The following DELE1 variants were observed in gnomAD, a reference collection of about 807,000 sequenced individuals.
The protein encoded by DELE1 is DAP3 binding cell death enhancer 1.
A neutral mutation model predicts 59.3 loss-of-function variants in DELE1; 54 were observed. That is an observed-to-expected ratio of 0.91 (90% confidence interval 0.73 to 1.14). DELE1 has a LOEUF of 1.14. Ranked by LOEUF, DELE1 falls within the 50% of genes most tolerant of loss-of-function variation. DELE1 has a pLI of 0.00. For synonymous variants in DELE1, 264 were observed against 259.1 expected, an observed-to-expected ratio of 1.02 and a Z score of -0.18; for missense variants, 636 against 643.9, an observed-to-expected ratio of 0.99 and a Z score of 0.13.
intron 2 of DELE1, among the ~76,000 whole-genome samples, chr5:141,925,031 G>A (rs191119270): frequency 2.0e-5 from 3 of 151,882 alleles, no homozygotes; most frequent in Admixed American, 6.6e-5. Context: ...GGGTTCAAGC[G>A]ATTCTGCTGC....
In DELE1 at chr5:141,939,619, C is replaced by T. The variant is rs557097910; in HGVS notation, c.*860C>T. On this transcript the variant is annotated 3_prime_UTR_variant, in exon 12 of 12. Transcript: ENST00000432126. ...TCAGAGAGATATCACAATTTGAGTC[C>T]CAAAGAAGAGGCCAGATACCCACCC... 2.1e-5 allele frequency: 21 copies of T among 985,810 alleles called. 1 individual carries two copies. The East Asian group carries it at 2.0e-3, about 96-fold the overall frequency. 61.1% of individuals were successfully genotyped at this position (985,810 alleles called of 1,614,324 possible). A position where few individuals can be genotyped will look rare whatever the true frequency, so the allele number is the denominator to read the frequency against.
chr5:141,938,490 G>GA (rs773452472), intron 11 of DELE1, 31 bp from the exon 12 acceptor site: 1 of 1,605,344 alleles, frequency 6.2e-7, no homozygotes, highest in Admixed American at 1.7e-5. Flanking sequence ...TATACAGCAA[G>GA]AGTAAGAGTT....
intron 7 of DELE1, among the ~76,000 whole-genome samples, chr5:141,931,543 C>T (rs1455034246): frequency 1.3e-5 from 2 of 152,052 alleles, no homozygotes; most frequent in Admixed American, 6.6e-5. Flanking sequence ...AAAAAGGAGA[C>T]GAGGCAGGCG....
At chr5:141,936,999 C>G in intron 10 of DELE1, 199 bp from the exon 11 acceptor site, 2 of 1,438,130 alleles carry the variant, frequency 1.4e-6, no homozygotes, top group Admixed American at 2.6e-5. Flanking sequence ...AGGGATCCCC[C>G]TCTCCTTTGT....
rs986335668 is a variant in DELE1 at position 141,940,639 on chromosome 5, C to T, written c.*1880C>T. 3.0e-6 allele frequency: 3 copies of T among 985,930 alleles called. No homozygotes were observed. The African/African-American group carries it at 5.2e-5, about 17-fold the overall frequency. The allele number at this position is 985,930 out of a possible 1,614,324, so 61.1% of individuals were successfully genotyped here. A position where few individuals can be genotyped will look rare whatever the true frequency, so the allele number is the denominator to read the frequency against. ...CCCAAGCGTCCTCTAGCTCCATCTC[C>T]TCGCCTGCTCCCTGCCTCCTTTTCA... On this transcript the variant is annotated 3_prime_UTR_variant, in exon 12 of 12. Coordinates refer to ENST00000432126, the MANE Select transcript of DELE1 (RefSeq NM_014773.5).
In DELE1 at chr5:141,939,002, G is replaced by C. The variant is rs1264347792; in HGVS notation, c.*243G>C. On this transcript the variant is annotated 3_prime_UTR_variant, in exon 12 of 12. Coordinates refer to ENST00000432126, the MANE Select transcript of DELE1 (RefSeq NM_014773.5). The stretch of plus-strand genomic sequence containing the variant: ...GTCTGTGCACCAAAGGATGCATTCA[G>C]TGACCTATGAAAAACCCTACTGAAG... The C allele has an allele frequency of 7.5e-7, 1 of 1,331,686 alleles. No homozygotes were observed. Among genetic ancestry groups the C allele is most frequent in the Non-Finnish European group, 9.6e-7 (1 of 1,041,446 alleles). The allele number at this position is 1,331,686 out of a possible 1,614,324, so 82.5% of individuals were successfully genotyped here.
intron 7 of DELE1, among the ~76,000 whole-genome samples, chr5:141,931,709 G>A (rs919090294): frequency 6.6e-6 from 1 of 152,124 alleles, no homozygotes; most frequent in Admixed American, 6.5e-5. Context: ...TCTACCCAAG[G>A]GCAGAGGGCT....
At chr5:141,935,974 A>T (rs759824730) in intron 10 of DELE1, among the ~76,000 whole-genome samples, 2 of 152,092 alleles carry the variant, frequency 1.3e-5, no homozygotes, top group African/African-American at 2.4e-5. Flanking sequence ...TGTTTGTTGG[A>T]GAGACTTTTG....
Position 141,940,727 on chromosome 5 carries a change from G to C in DELE1, c.*1968G>C, listed in dbSNP as rs1483654100. 1.0e-6 allele frequency: 1 copy of C among 972,604 alleles called. No homozygotes were observed. Among genetic ancestry groups the C allele is most frequent in the Non-Finnish European group, 1.2e-6 (1 of 818,418 alleles). The allele number at this position is 972,604 out of a possible 1,614,324, so 60.2% of individuals were successfully genotyped here. ...TGCACATGGCCACCTTCCACAGATG[G>C]CACTCCTTGGGAGCAGGGTCCTTGT... On this transcript the variant is annotated 3_prime_UTR_variant, in exon 12 of 12. Coordinates refer to ENST00000432126, the MANE Select transcript of DELE1 (RefSeq NM_014773.5).
rs1251446948 is a variant in DELE1, at chr5:141,930,472, T to C, written c.754+198T>C. Among the ~76,000 whole-genome samples the C allele has an allele frequency of 2.0e-5, 3 of 152,350 alleles. No individual in the cohort carries two copies. The East Asian group carries it at 5.8e-4, about 29-fold the overall frequency. On this transcript the variant is annotated intron_variant, in intron 7 of 11. Transcript: ENST00000432126. ...CCATTTTTAAAACTGGCTCCCATCT[T>C]GAGGCGCAGTTTGGCAATTCCAGCT... is the stretch of plus-strand genomic sequence containing the variant.
intron 2 of DELE1, 25 bp downstream of exon 2, chr5:141,924,720 C>A: frequency 3.7e-6 from 5 of 1,364,984 alleles, no homozygotes; most frequent in African/African-American, 1.4e-5. Flanking sequence ...TTTTACCACT[C>A]ATTTCCTCCC....
intron 2 of DELE1, among the ~76,000 whole-genome samples, chr5:141,924,996 T>C (rs1322238825): frequency 1.3e-5 from 2 of 151,880 alleles, no homozygotes; most frequent in Non-Finnish European, 2.9e-5. Flanking sequence ...GGCGCGATCT[T>C]GGCTCACTGA....
At chr5:141,931,565 G>A (rs556445411) in intron 7 of DELE1, among the ~76,000 whole-genome samples, 6 of 152,232 alleles carry the variant, frequency 3.9e-5, no homozygotes, top group South Asian at 2.1e-4. Context: ...TGTTGGTGAC[G>A]GCTGAACAAA....
At position 141,934,533 on chromosome 5, in the gene DELE1, T is replaced by C; in HGVS notation, c.1096T>C (p.Tyr366His). 6.2e-7 allele frequency: 1 copy of C among 1,614,266 alleles called. No homozygotes were observed. The highest frequency in any genetic ancestry group is 8.5e-7 in the Non-Finnish European group (1 of 1,180,044). ...CGGGGTGCTTTTCACCAAGGAGCCC[T>C]ACCTGGATGAGCAGAGAGCTGTGAA... is the stretch of plus-strand genomic sequence containing the variant. ...FLGVLFTKEP[Y>H]LDEQRAVKYL... is the part of the protein sequence containing the mutation. Residue 366 changes from tyrosine (Y) to histidine (H), a missense_variant, in exon 10 of 12, where the codon TAC becomes CAC. Physicochemically the swap from Tyr to His is moderately conservative, Grantham distance 83 (BLOSUM62 2). Coordinates refer to ENST00000432126, the MANE Select transcript of DELE1 (RefSeq NM_014773.5).
Position 141,930,287 on chromosome 5 carries a change from A to C in DELE1, c.754+13A>C. ...TTCAACTTCCTGGGTAACCAAATGG[A>C]CCCTGCCCCAAGGCAGGAGGGTGGG... On this transcript the variant is annotated intron_variant, in intron 7 of 11. Transcript: ENST00000432126. 1 of 1,590,708 alleles carries C rather than the reference A, an allele frequency of 6.3e-7. No individual in the cohort carries two copies. Among genetic ancestry groups the C allele is most frequent in the Non-Finnish European group, 8.6e-7 (1 of 1,158,796 alleles).
At position 141,926,484 on chromosome 5, in the gene DELE1, G is replaced by A. The variant is rs930135266; in HGVS notation, c.264+957G>A. ...TTACTAGTGAACACTAGGTCTCATA[G>A]GGCAGAGTCTTCGCTTTTCAGGCAA... On this transcript the variant is annotated intron_variant, in intron 3 of 11. Transcript: ENST00000432126. Among the ~76,000 whole-genome samples the A allele has an allele frequency of 2.0e-5, 3 of 152,172 alleles. No individual in the cohort carries two copies. The East Asian group carries it at 5.8e-4, about 29-fold the overall frequency.
intron 3 of DELE1, among the ~76,000 whole-genome samples, chr5:141,926,718 T>G (rs1751453604): frequency 1.3e-5 from 2 of 152,236 alleles, no homozygotes; most frequent in Admixed American, 1.3e-4. Context: ...GGGTTACCCC[T>G]CTATGGGGAG....
Position 141,925,427 on chromosome 5 carries a change from C to T in DELE1, c.164C>T (p.Pro55Leu). The T allele has an allele frequency of 6.3e-7, 1 of 1,593,186 alleles. No homozygotes were observed. Among genetic ancestry groups the T allele is most frequent in the Non-Finnish European group, 8.5e-7 (1 of 1,170,344 alleles). The change falls in exon 3 of 12, where the codon CCA (proline) becomes CTA (leucine). Residue 55 changes from proline to leucine, a missense_variant. Physicochemically the swap from Pro to Leu is moderately conservative, Grantham distance 98. Transcript: ENST00000432126. ...PNLDRSGPHG[P>L]GTSGGPRSHG... ...TCATCTAGGTCAGGTCCCCATGGCCCAGGCACGAGCGGGGGTCCAAGGTCC... is the reference window on the plus strand; with the variant it reads ...TCATCTAGGTCAGGTCCCCATGGCCTAGGCACGAGCGGGGGTCCAAGGTCC...
Position 141,929,807 on chromosome 5 carries a change from C to T in DELE1, c.571+67C>T, listed in dbSNP as rs1200075789. On this transcript the variant is annotated intron_variant, in intron 5 of 11. Coordinates refer to ENST00000432126, the MANE Select transcript of DELE1 (RefSeq NM_014773.5). ...GTGGTGGTGAGCTGGGCAAGATGGA[C>T]GTTGTTTGCTGCGAAGGGAATTGGC... The T allele has an allele frequency of 5.7e-6, 9 of 1,586,540 alleles. No individual in the cohort carries two copies. In the African/African-American group the frequency reaches 6.7e-5, roughly 12 times the overall value.
Sources: allele counts gnomAD v4.1 joint callset (sites outside exome capture counted in the v4.1 genomes callset), GRCh38; gene constraint gnomAD v4.1.1; transcripts MANE v1.5; gene names NCBI Gene and HGNC (gene_info 2026-07-23, HGNC 2026-07-21).